The following BPTF variants were observed in gnomAD, a reference collection of about 807,000 sequenced individuals.
BPTF encodes the protein nucleosome-remodeling factor subunit BPTF.
BPTF carries 18 observed loss-of-function variants against 292.5 expected under a neutral mutation model. The ratio of observed to expected loss-of-function variants is 0.06; its 90% CI spans 0.04 to 0.09. BPTF has a LOEUF of 0.09. BPTF is among the 10% of genes least tolerant of loss of function. The probability of loss-of-function intolerance (pLI) is 1.00; values close to 1 mark genes in which losing one functional copy is unlikely to be tolerated. For missense variants in BPTF, 2,726 were observed against 3,498.7 expected (o/e 0.78, Z 5.57); for synonymous variants, 1,225 against 1,251.9 (o/e 0.98, Z 0.45).
At chr17:67,847,284 G>A (rs2058090581) in intron 1 of BPTF, among the ~76,000 whole-genome samples, 1 of 152,080 alleles carries the variant, frequency 6.6e-6, no homozygotes, top group Non-Finnish European at 1.5e-5. Context: ...GGAAGCCGAG[G>A]TGGGTGGATC....
intron 13 of BPTF, among the ~76,000 whole-genome samples, chr17:67,920,583 C>T (rs909848201): frequency 6.6e-6 from 1 of 152,138 alleles, no homozygotes; most frequent in Non-Finnish European, 1.5e-5. Flanking sequence ...AAGAGTTACT[C>T]AAAAAATGTT....
intron 26 of BPTF, among the ~76,000 whole-genome samples, chr17:67,968,154 A>T (rs1475535695): frequency 1.3e-5 from 2 of 151,680 alleles, no homozygotes; most frequent in African/African-American, 4.9e-5. Flanking sequence ...AACATAGCTA[A>T]AACCTTCCAA....
In BPTF at chr17:67,959,679, C is replaced by G. The variant is rs2067292722; in HGVS notation, c.8065C>G (p.Pro2689Ala). ...TCCAGCCCCTCCACCTTCACCTCCC[C>G]CTCCACCTGCTGTGCAACACACAGG... ...APPAPPPSPP[P>A]PPAVQHTGLL... The change falls in exon 24 of 28, where the codon CCT (proline) becomes GCT (alanine). Residue 2689 changes from proline to alanine, a missense_variant. Physicochemically the swap from Pro to Ala is conservative, Grantham distance 27 (BLOSUM62 -1). This residue lies in a region of BPTF where 148 missense variants were observed against 145.5 expected (regional missense o/e 1.02). Coordinates refer to ENST00000306378, the MANE Select transcript of BPTF (RefSeq NM_182641.4). The G allele has an allele frequency of 4.8e-6, 7 of 1,448,048 alleles. No individual in the cohort carries two copies. In the East Asian group the frequency reaches 2.5e-4, roughly 51 times the overall value. 89.7% of individuals were successfully genotyped at this position (1,448,048 alleles called of 1,614,324 possible). A position where few individuals can be genotyped will look rare whatever the true frequency, so the allele number is the denominator to read the frequency against.
rs540685366 is a variant in BPTF at position 67,892,146 on chromosome 17, A to G, written c.2055+112A>G. On this transcript the variant is annotated intron_variant, in intron 5 of 27. Transcript: ENST00000306378. Reference sequence around the variant, plus strand: ...TAGAAATTTGTAGACCTATTTTTGAATTATATTTTCTCTGTTTCCGAAACT... The same window carrying G: ...TAGAAATTTGTAGACCTATTTTTGAGTTATATTTTCTCTGTTTCCGAAACT... The G allele has an allele frequency of 4.4e-4, 368 of 839,294 alleles. 3 individuals are homozygous for G. The South Asian group carries it at 8.0e-3, about 18-fold the overall frequency. 52.0% of individuals were successfully genotyped at this position (839,294 alleles called of 1,614,324 possible).
intron 1 of BPTF, among the ~76,000 whole-genome samples, chr17:67,848,940 T>C (rs1230306901): frequency 6.6e-6 from 1 of 152,224 alleles, no homozygotes; most frequent in African/African-American, 2.4e-5. Context: ...TCCATTTTTC[T>C]TCAGAATTCA....
At chr17:67,921,383 A>G (rs1244667691) in intron 13 of BPTF, among the ~76,000 whole-genome samples, 1 of 151,526 alleles carries the variant, frequency 6.6e-6, no homozygotes, top group Non-Finnish European at 1.5e-5. Flanking sequence ...AAAATTAGCC[A>G]GGTGTGGTGG....
chr17:67,883,802 T>C (rs9899914), intron 4 of BPTF, among the ~76,000 whole-genome samples: 15,302 of 152,244 alleles, frequency 0.1, 2,619 homozygotes, highest in African/African-American at 0.35. Flanking sequence ...GGTTTCACCA[T>C]GTTGGCCAGG....
chr17:67,895,091 A>G (rs969062144), intron 7 of BPTF, among the ~76,000 whole-genome samples: 4 of 152,148 alleles, frequency 2.6e-5, no homozygotes, highest in Admixed American at 6.6e-5. Flanking sequence ...GCATAGCCCT[A>G]TAGTTTTTAA....
chr17:67,963,647 C>G (rs2148376016), intron 24 of BPTF: 2 of 1,012,468 alleles, frequency 2.0e-6, no homozygotes, highest in Admixed American at 7.9e-5. Flanking sequence ...TTTCATTTTT[C>G]TCTTTTTCCC....
intron 9 of BPTF, among the ~76,000 whole-genome samples, chr17:67,906,922 A>G (rs1378780528): frequency 3.9e-5 from 6 of 152,176 alleles, no homozygotes; most frequent in South Asian, 2.1e-4. Flanking sequence ...TCCAGGTGCC[A>G]TGGCTCACAC....
At chr17:67,855,223 C>T (rs1223628817) in intron 2 of BPTF, among the ~76,000 whole-genome samples, 5 of 152,128 alleles carry the variant, frequency 3.3e-5, no homozygotes, top group African/African-American at 1.2e-4. Context: ...ATTGTTTGAA[C>T]CTGGGAGGCA....
chr17:67,919,262 GT>G (rs1489476366), intron 12 of BPTF, among the ~76,000 whole-genome samples: 3 of 151,702 alleles, frequency 2.0e-5, no homozygotes, highest in Middle Eastern at 3.4e-3. Flanking sequence ...TTGGCCATGT[GT>G]GGTGGCTCTC....
chr17:67,907,256 AT>A (rs10706190), intron 9 of BPTF, among the ~76,000 whole-genome samples: 31,905 of 132,996 alleles, frequency 0.24, 3,671 homozygotes, highest in East Asian at 0.64. Context: ...GGGAGGCTTG[AT>A]TTTTTTTTTT....
At chr17:67,917,131 C>CTTTTCCTTTCTTTTT (rs1194058584) in intron 11 of BPTF, among the ~76,000 whole-genome samples, 1,154 of 105,712 alleles carry the variant, frequency 0.011, 94 homozygotes, top group African/African-American at 0.04. Context: ...TGGTATTGTC[C>CTTTTCCTTTCTTTTT]TTTTTTTTTT....
rs575298555 is a variant in BPTF at position 67,903,676 on chromosome 17, G to A, written c.2544-113G>A. 4.1e-6 allele frequency: 4 copies of A among 973,438 alleles called. No homozygotes were observed. The South Asian group carries it at 1.1e-4, about 27-fold the overall frequency. The allele number at this position is 973,438 out of a possible 1,614,324, so 60.3% of individuals were successfully genotyped here. A position where few individuals can be genotyped will look rare whatever the true frequency, so the allele number is the denominator to read the frequency against. ...AAGTTTTGTCAGTTGGGGTTGTCTG[G>A]TTTGTAGGATTATAACAGTCTGCTT... is the stretch of plus-strand genomic sequence containing the variant. On this transcript the variant is annotated intron_variant, in intron 7 of 27. Transcript: ENST00000306378.
intron 26 of BPTF, among the ~76,000 whole-genome samples, chr17:67,972,505 A>C (rs1257895467): frequency 6.6e-6 from 1 of 152,088 alleles, no homozygotes; most frequent in Admixed American, 6.6e-5. Flanking sequence ...CTGCCTTCCA[A>C]AGTGCTGGGA....
At chr17:67,861,340 CT>C (rs568176532) in intron 2 of BPTF, among the ~76,000 whole-genome samples, 12,629 of 135,002 alleles carry the variant, frequency 0.094, 1,700 homozygotes, top group African/African-American at 0.33. Flanking sequence ...AAGATTTTTT[CT>C]TTTTTTTTTT....
At position 67,923,036 on chromosome 17, in the gene BPTF, A is replaced by C. The variant is rs1433374241; in HGVS notation, c.5708+46A>C. 6 of 1,542,836 alleles carry C rather than the reference A, an allele frequency of 3.9e-6. No homozygotes were observed. In the African/African-American group the frequency reaches 7.1e-5, roughly 18 times the overall value. The stretch of plus-strand genomic sequence containing the variant: ...TGGTCAGCTATTTGAAGATTTTATC[A>C]CTTCAGAATCAATAAATTACTTTTT... On this transcript the variant is annotated intron_variant, in intron 14 of 27. Transcript: ENST00000306378.
In BPTF at chr17:67,912,290, A is replaced by G. The variant is rs773448400; in HGVS notation, c.4406A>G (p.Asp1469Gly). The change falls in exon 11 of 28, where the codon GAT becomes GGT. Residue 1469 changes from aspartate to glycine, a missense_variant. Asp to Gly is a moderately conservative substitution (Grantham distance 94). Coordinates refer to ENST00000306378, the MANE Select transcript of BPTF (RefSeq NM_182641.4). The part of the protein sequence containing the change: ...ESAIRPFING[D>G]VIMEDFNERN... ...GCTATAAGGCCATTCATTAATGGTG[A>G]TGTCATCATGGAAGATTTTAATGAA... 6.2e-7 allele frequency: 1 copy of G among 1,613,850 alleles called. No individual in the cohort carries two copies. The highest frequency in any genetic ancestry group is 2.2e-5 in the East Asian group (1 of 44,886).
Sources: gnomAD v4.1 joint callset for allele counts (sites outside exome capture counted in the v4.1 genomes callset) on GRCh38, gnomAD v4.1.1 for gene constraint, gnomAD v4.1.1 regional missense constraint, MANE v1.5 for transcripts, NCBI Gene and HGNC (gene_info 2026-07-23, HGNC 2026-07-21) for gene names.